Variants in AOX1 observed in about 807,000 individuals in gnomAD.
AOX1 encodes aldehyde oxidase 1.
In AOX1, 153 loss-of-function variants were observed where a neutral mutation model predicts 169.5. That is an observed-to-expected ratio of 0.90 (90% CI 0.79 to 1.03). AOX1 has a LOEUF of 1.03. AOX1 is among the 50% of genes least tolerant of loss of function. The pLI is 0.00. For synonymous variants in AOX1, 562 were observed against 581.9 expected (o/e 0.97, Z 0.49); for missense variants, 1,656 against 1,663.9 (o/e 1.00, Z 0.08).
intron 20 of AOX1, among the ~76,000 whole-genome samples, chr2:200,634,119 C>T (rs2035180799): frequency 1.3e-5 from 2 of 149,830 alleles, no homozygotes; most frequent in South Asian, 2.1e-4. Flanking sequence ...TCTAGTCTTC[C>T]ACTTTTCTGG....
intron 26 of AOX1, among the ~76,000 whole-genome samples, chr2:200,655,063 A>G (rs2035655309): frequency 6.6e-6 from 1 of 152,240 alleles, no homozygotes; most frequent in African/African-American, 2.4e-5. Flanking sequence ...GCCAAGTCCA[A>G]CTATGAATTA....
intron 27 of AOX1, among the ~76,000 whole-genome samples, chr2:200,657,759 T>G (rs1432992465): frequency 6.6e-6 from 1 of 152,216 alleles, no homozygotes; most frequent in Non-Finnish European, 1.5e-5. Flanking sequence ...GTTTCTCTTT[T>G]GTTAATCATA....
At chr2:200,596,111 G>A (rs1000564665) in intron 3 of AOX1, among the ~76,000 whole-genome samples, 1 of 152,216 alleles carries the variant, frequency 6.6e-6, no homozygotes, top group Non-Finnish European at 1.5e-5. Context: ...TTATGCTAAT[G>A]TTAGACGATT....
chr2:200,643,279 T>C (rs756915193), intron 25 of AOX1, among the ~76,000 whole-genome samples: 8 of 151,570 alleles, frequency 5.3e-5, no homozygotes, highest in Non-Finnish European at 1.0e-4. Context: ...TTTGGTTACA[T>C]GAGTAAGTTC....
intron 10 of AOX1, among the ~76,000 whole-genome samples, chr2:200,606,069 T>C (rs1001234596): frequency 2.0e-5 from 3 of 152,218 alleles, no homozygotes; most frequent in Non-Finnish European, 2.9e-5. Context: ...CATGCCTATG[T>C]CCTGAATGGT....
Position 200,597,386 on chromosome 2 carries a change from G to T in AOX1, c.201-11G>T. The T allele has an allele frequency of 6.3e-7, 1 of 1,587,944 alleles. No homozygotes were observed. The highest frequency in any genetic ancestry group is 8.6e-7 in the Non-Finnish European group (1 of 1,163,918). ...AATTTGTAATTTGTGCTTTTCTTTT[G>T]CATTCTGAAGGCATCACCCAGCCAA... is the stretch of plus-strand genomic sequence containing the variant. On this transcript the variant is annotated splice_polypyrimidine_tract_variant and intron_variant, in intron 3 of 34. Coordinates refer to ENST00000374700, the MANE Select transcript of AOX1 (RefSeq NM_001159.4).
Position 200,615,954 on chromosome 2 carries a change from A to T in AOX1, c.1612-17A>T. The stretch of plus-strand genomic sequence containing the variant: ...ATTCAAACTATTTAAAATATCTGCA[A>T]TGGTTCTACTTTTCAGGATCCAGTT... On this transcript the variant is annotated splice_polypyrimidine_tract_variant and intron_variant, in intron 15 of 34. Coordinates refer to ENST00000374700, the MANE Select transcript of AOX1 (RefSeq NM_001159.4). The T allele has an allele frequency of 6.3e-7, 1 of 1,587,158 alleles. No individual in the cohort carries two copies. The highest frequency in any genetic ancestry group is 8.7e-7 in the Non-Finnish European group (1 of 1,155,720).
intron 31 of AOX1, among the ~76,000 whole-genome samples, chr2:200,663,254 A>G (rs57502521): frequency 0.05 from 7,588 of 152,270 alleles, 356 homozygotes; most frequent in East Asian, 0.26. Flanking sequence ...GGGGGCTTTC[A>G]TGTAGACTAT....
chr2:200,673,993 G>A (rs772219571), downstream of AOX1, among the ~76,000 whole-genome samples: 7 of 152,316 alleles, frequency 4.6e-5, no homozygotes, highest in Middle Eastern at 3.4e-3. Context: ...AACACAAGTC[G>A]TAAGATCAGG....
intron 26 of AOX1, 56 bp from the exon 27 acceptor site, chr2:200,656,786 C>A: frequency 8.1e-7 from 1 of 1,239,194 alleles, no homozygotes; most frequent in Non-Finnish European, 1.1e-6. Flanking sequence ...TTAATTGACA[C>A]GATATGTGAT....
intron 23 of AOX1, among the ~76,000 whole-genome samples, chr2:200,638,525 A>T (rs1341063877): frequency 2.0e-5 from 3 of 152,244 alleles, no homozygotes; most frequent in Non-Finnish European, 4.4e-5. Context: ...GAAATAAAAC[A>T]CTAAGTGCTA....
At chr2:200,642,325 G>T (rs2035367908) in intron 24 of AOX1, among the ~76,000 whole-genome samples, 1 of 152,052 alleles carries the variant, frequency 6.6e-6, no homozygotes, top group Non-Finnish European at 1.5e-5. Context: ...AGTGCTCAGG[G>T]CCTGTGAACA....
intron 5 of AOX1, among the ~76,000 whole-genome samples, chr2:200,601,746 A>C (rs2034420249): frequency 6.6e-6 from 1 of 152,136 alleles, no homozygotes; most frequent in Non-Finnish European, 1.5e-5. Context: ...CAGACTGGCC[A>C]ACATGGTGAA....
At chr2:200,590,496 C>T (rs1314016714) in intron 1 of AOX1, among the ~76,000 whole-genome samples, 2 of 152,112 alleles carry the variant, frequency 1.3e-5, no homozygotes, top group Non-Finnish European at 2.9e-5. Context: ...ATTCCCAGAG[C>T]TGCCAGGACA....
chr2:200,624,493 G>A (rs1256896099), intron 19 of AOX1, among the ~76,000 whole-genome samples: 4 of 152,112 alleles, frequency 2.6e-5, no homozygotes, highest in Admixed American at 2.6e-4. Flanking sequence ...GGAAAGGGGA[G>A]GGGATGCTAG....
intron 27 of AOX1, 137 bp from the exon 28 acceptor site, chr2:200,659,028 G>GA: frequency 1.4e-6 from 1 of 711,212 alleles, no homozygotes; most frequent in South Asian, 2.6e-5. Flanking sequence ...ACTTTTCATG[G>GA]CTGGAGGAAT....
Position 200,604,440 on chromosome 2 carries a change from G to A in AOX1, c.670-256G>A, listed in dbSNP as rs144563399. 8.7e-4 allele frequency among the ~76,000 whole-genome samples: 133 copies of A among 152,318 alleles called. 1 individual carries two copies. In the South Asian group the frequency reaches 0.027, roughly 31 times the overall value. On this transcript the variant is annotated intron_variant, in intron 8 of 34. Coordinates refer to ENST00000374700, the MANE Select transcript of AOX1 (RefSeq NM_001159.4). ...CAAGATTCAGCATGTTACTATATTT[G>A]CTAACATTAAAATGATGTTCTTTGA...
At chr2:200,644,655 C>T (rs1048954915) in intron 25 of AOX1, among the ~76,000 whole-genome samples, 2 of 152,166 alleles carry the variant, frequency 1.3e-5, no homozygotes, top group Admixed American at 6.5e-5. Context: ...TAGCCATTTT[C>T]ACAATGTTGA....
Position 200,668,050 on chromosome 2 carries a change from A to G in AOX1, c.3610-565A>G, listed in dbSNP as rs1372470216. 2.6e-5 allele frequency among the ~76,000 whole-genome samples: 4 copies of G among 151,960 alleles called. No individual in the cohort carries two copies. In the East Asian group the frequency reaches 7.7e-4, roughly 29 times the overall value. Reference sequence around the variant, plus strand: ...ATTTCAATGGCCAAACCAAAATTAGAACCCTAGTCCTTTGTCTTTGACCTT... The same window carrying G: ...ATTTCAATGGCCAAACCAAAATTAGGACCCTAGTCCTTTGTCTTTGACCTT... On this transcript the variant is annotated intron_variant, in intron 32 of 34. Coordinates refer to ENST00000374700, the MANE Select transcript of AOX1 (RefSeq NM_001159.4).
Sources: gnomAD v4.1 joint callset for allele counts (sites outside exome capture counted in the v4.1 genomes callset) on GRCh38, gnomAD v4.1.1 for gene constraint, MANE v1.5 for transcripts, NCBI Gene and HGNC (gene_info 2026-07-23, HGNC 2026-07-21) for gene names.